Variants in EP400 observed in about 807,000 individuals in gnomAD.
The protein encoded by EP400 is E1A binding protein p400, also known as E1A-binding protein p400.
EP400 carries 105 observed loss-of-function variants against 354.1 expected under a neutral mutation model. The observed-to-expected ratio is 0.30, with a 90% CI of 0.25 to 0.35. The LOEUF (loss-of-function observed/expected upper bound fraction) is 0.35, where lower values mean the gene tolerates loss of function less well. Ranked by LOEUF, EP400 falls within the 10% of genes least tolerant of loss-of-function variation. The probability of loss-of-function intolerance (pLI) is 1.00; values close to 1 mark genes in which losing one functional copy is unlikely to be tolerated. For synonymous variants in EP400, 1,646 were observed against 1,716.9 expected, an observed-to-expected ratio of 0.96 and a Z score of 1.02; for missense variants, 3,280 against 4,121.0, an observed-to-expected ratio of 0.80 and a Z score of 5.59.
chr12:131,990,374 G>A lies in EP400; in HGVS notation c.2551-262G>A, dbSNP rs986030130. Among the ~76,000 whole-genome samples, 1 of 152,218 alleles carries A rather than the reference G, an allele frequency of 6.6e-6. No homozygotes were observed. The highest frequency in any genetic ancestry group is 2.4e-5 in the African/African-American group (1 of 41,446). On this transcript the variant is annotated intron_variant, in intron 8 of 52. Coordinates refer to ENST00000389561, the MANE Select transcript of EP400 (RefSeq NM_015409.5). This position sits in a 1 kb window ranked among gnomAD's most constrained non-coding sequence, Gnocchi z 4.2. Reference sequence around the variant, plus strand: ...GGCTCTGGGCATTGTTTCAGGGTTAGCGTGAGTCACCACCACGGTTACTTC... The same window carrying A: ...GGCTCTGGGCATTGTTTCAGGGTTAACGTGAGTCACCACCACGGTTACTTC...
intron 30 of EP400, among the ~76,000 whole-genome samples, chr12:132,032,786 A>G (rs1010639585): frequency 3.3e-5 from 5 of 152,016 alleles, no homozygotes; most frequent in Admixed American, 2.0e-4. Context: ...GTGCACCACC[A>G]CGACCGGCTA....
intron 5 of EP400, 42 bp downstream of exon 5, chr12:131,982,520 G>C (rs2136492499): frequency 6.5e-7 from 1 of 1,550,210 alleles, no homozygotes. Flanking sequence ...TGGTTTGCAG[G>C]ATTTGCTGGC....
In EP400 at chr12:132,028,152, T is replaced by G; in HGVS notation, c.5245T>G (p.Trp1749Gly). 6.2e-7 allele frequency: 1 copy of G among 1,614,178 alleles called. No homozygotes were observed. The highest frequency in any genetic ancestry group is 8.5e-7 in the Non-Finnish European group (1 of 1,180,030). ...CALPSHGRVQ[W>G]RGSLDGRRGK... ...CCTGCCTAGCCATGGAAGGGTACAG[T>G]GGCGTGGGTCCCTGGATGGCCGTCG... Residue 1749 changes from tryptophan to glycine, a missense_variant, in exon 27 of 53, where the codon TGG (tryptophan) becomes GGG (glycine). This residue lies in a region of EP400 where 459 missense variants were observed against 496.9 expected (regional missense o/e 0.92). Coordinates refer to ENST00000389561, the MANE Select transcript of EP400 (RefSeq NM_015409.5).
rs910196031 is a variant in EP400, at chr12:132,029,320, G to A, written c.5382-381G>A. ...CCTGAGTCTGGCCCCCGTCCTGGTG[G>A]CACAGTGGCTATAGCAGTTCTAGGG... On this transcript the variant is annotated intron_variant, in intron 27 of 52. Coordinates refer to ENST00000389561, the MANE Select transcript of EP400 (RefSeq NM_015409.5). This position sits in a 1 kb window ranked among gnomAD's most constrained non-coding sequence, Gnocchi z 4.7. 5 of 226,538 alleles carry A rather than the reference G, an allele frequency of 2.2e-5. No homozygotes were observed. Among genetic ancestry groups the A allele is most frequent in the Non-Finnish European group, 4.3e-5 (5 of 115,478 alleles). 14.0% of individuals were successfully genotyped at this position (226,538 alleles called of 1,614,324 possible).
chr12:132,064,315 G>A (rs910387202), intron 47 of EP400, among the ~76,000 whole-genome samples: 2 of 152,236 alleles, frequency 1.3e-5, no homozygotes, highest in African/African-American at 4.8e-5. Context: ...GATCAACTCA[G>A]TATAGGTTTT....
At chr12:131,970,719 TC>T (rs1333403161) in intron 2 of EP400, among the ~76,000 whole-genome samples, 2 of 152,226 alleles carry the variant, frequency 1.3e-5, no homozygotes, top group Non-Finnish European at 2.9e-5. Context: ...AACTTTTTTT[TC>T]TTTTGGTTTT....
chr12:132,076,831 C>T (rs1031349984), intron 52 of EP400, among the ~76,000 whole-genome samples: 1 of 152,264 alleles, frequency 6.6e-6, no homozygotes, highest in Non-Finnish European at 1.5e-5. Context: ...CCTTCATTCA[C>T]TGATCATCGC....
At chr12:132,071,751 A>G (rs1896074506) in intron 51 of EP400, among the ~76,000 whole-genome samples, 1 of 152,110 alleles carries the variant, frequency 6.6e-6, no homozygotes, top group South Asian at 2.1e-4. Context: ...ACCCCTCTGC[A>G]CTTGCTCCTC....
At position 132,030,135 on chromosome 12, in the gene EP400, A is replaced by G; in HGVS notation, c.5731A>G (p.Asn1911Asp). ...HYLTYVRIDE[N>D]ASSEQRQELM... Reference sequence around the variant, plus strand: ...CCTCACCTATGTAAGAATCGATGAAAATGCCAGCAGTGAGCAACGGCAGGT... The same window carrying G: ...CCTCACCTATGTAAGAATCGATGAAGATGCCAGCAGTGAGCAACGGCAGGT... Residue 1911 changes from asparagine to aspartate, a missense_variant, in exon 29 of 53, where the codon AAT becomes GAT. By Grantham distance (23) the Asn-to-Asp change is conservative. This residue lies in a region of EP400 where 459 missense variants were observed against 496.9 expected (regional missense o/e 0.92). Coordinates refer to ENST00000389561, the MANE Select transcript of EP400 (RefSeq NM_015409.5). 6.2e-7 allele frequency: 1 copy of G among 1,614,216 alleles called. No individual in the cohort carries two copies. Among genetic ancestry groups the G allele is most frequent in the Non-Finnish European group, 8.5e-7 (1 of 1,180,038 alleles).
intron 47 of EP400, among the ~76,000 whole-genome samples, chr12:132,064,439 ATCAG>A (rs1895819240): frequency 6.6e-6 from 1 of 152,224 alleles, no homozygotes; most frequent in Non-Finnish European, 1.5e-5. Flanking sequence ...CTATGAACTT[ATCAG>A]TCAGAATCCG....
chr12:131,965,412 C>T (rs758247955), intron 2 of EP400, among the ~76,000 whole-genome samples: 18 of 152,198 alleles, frequency 1.2e-4, no homozygotes, highest in Non-Finnish European at 2.2e-4. Context: ...GGTTTTCTAA[C>T]TCCATCATTC....
rs752469686 is a variant in EP400, at chr12:132,037,728, A to G, written c.5998A>G (p.Thr2000Ala). 2 of 1,614,198 alleles carry G rather than the reference A, an allele frequency of 1.2e-6. No individual in the cohort carries two copies. The highest frequency in any genetic ancestry group is 1.1e-5 in the South Asian group (1 of 91,086). The change falls in exon 31 of 53, where the codon ACT becomes GCT. Residue 2000 changes from threonine to alanine, a missense_variant. Transcript: ENST00000389561. ...SIEEKLLKNG[T>A]KDLIREVAAQ... ...TGAAGAGAAATTGTTGAAAAATGGAACTAAAGATCTGATCCGAGAAGTGGC... is the reference window on the plus strand; with the variant it reads ...TGAAGAGAAATTGTTGAAAAATGGAGCTAAAGATCTGATCCGAGAAGTGGC...
Position 132,043,877 on chromosome 12 carries a change from G to T in EP400, c.6450+149G>T, listed in dbSNP as rs1002603165. On this transcript the variant is annotated intron_variant, in intron 34 of 52. Coordinates refer to ENST00000389561, the MANE Select transcript of EP400 (RefSeq NM_015409.5). Reference sequence around the variant, plus strand: ...ATGAACTTAAAATGAAGAGAGTCTCGAGAAGCCCGTAGGGACCGTGGAGCT... The same window carrying T: ...ATGAACTTAAAATGAAGAGAGTCTCTAGAAGCCCGTAGGGACCGTGGAGCT... The T allele has an allele frequency of 3.6e-6, 3 of 841,428 alleles. No individual in the cohort carries two copies. The South Asian group carries it at 5.5e-5, about 15-fold the overall frequency. 52.1% of individuals were successfully genotyped at this position (841,428 alleles called of 1,614,324 possible). A position where few individuals can be genotyped will look rare whatever the true frequency, so the allele number is the denominator to read the frequency against.
rs1019724761 is a variant in EP400, at chr12:131,984,873, T to A, written c.1930-1641T>A. Among the ~76,000 whole-genome samples, 10 of 152,058 alleles carry A rather than the reference T, an allele frequency of 6.6e-5. 1 individual carries two copies. In the South Asian group the frequency reaches 2.1e-3, roughly 32 times the overall value. ...GCCACCACGCCCTACTAGGTTTTTT[T>A]TTTTTCCAGCAGAGAAATGATTTAT... is the stretch of plus-strand genomic sequence containing the variant. On this transcript the variant is annotated intron_variant, in intron 5 of 52. Coordinates refer to ENST00000389561, the MANE Select transcript of EP400 (RefSeq NM_015409.5).
Position 132,054,924 on chromosome 12 carries a change from C to A in EP400, c.7729-50C>A. ...AGTGGAAGCCTTTGGAGGATTTATG[C>A]AGGGGAGAGCCTGACGTGAAATTCA... On this transcript the variant is annotated intron_variant, in intron 43 of 52. Coordinates refer to ENST00000389561, the MANE Select transcript of EP400 (RefSeq NM_015409.5). This position sits in a 1 kb window ranked among gnomAD's most constrained non-coding sequence, Gnocchi z 4.0. 1 of 1,573,980 alleles carries A rather than the reference C, an allele frequency of 6.4e-7. No homozygotes were observed. The highest frequency in any genetic ancestry group is 8.7e-7 in the Non-Finnish European group (1 of 1,146,310).
chr12:131,975,161 G>T (rs1206581395), intron 2 of EP400, among the ~76,000 whole-genome samples: 1 of 152,276 alleles, frequency 6.6e-6, no homozygotes, highest in South Asian at 2.1e-4. Flanking sequence ...TGTGTCCTGA[G>T]TCCTCTGGGA....
chr12:132,047,898 C>T lies in EP400; in HGVS notation c.7200+1998C>T, dbSNP rs576244068. 2.9e-3 allele frequency among the ~76,000 whole-genome samples: 448 copies of T among 152,272 alleles called. 4 individuals carry two copies. Among genetic ancestry groups the T allele is most frequent in the African/African-American group, 0.01 (434 of 41,556 alleles). On this transcript the variant is annotated intron_variant, in intron 39 of 52. Coordinates refer to ENST00000389561, the MANE Select transcript of EP400 (RefSeq NM_015409.5). Reference sequence around the variant, plus strand: ...AGCGGCCATTTCAGAGGCCTACCCTCAGAGACGCATTCTCTTTCTCAGGAT... The same window carrying T: ...AGCGGCCATTTCAGAGGCCTACCCTTAGAGACGCATTCTCTTTCTCAGGAT...
intron 45 of EP400, among the ~76,000 whole-genome samples, chr12:132,057,502 G>C (rs1024602971): frequency 6.6e-6 from 1 of 152,210 alleles, no homozygotes; most frequent in Non-Finnish European, 1.5e-5. Flanking sequence ...AGAGGAATTC[G>C]AGAACGTTGG....
intron 1 of EP400, among the ~76,000 whole-genome samples, chr12:131,951,602 C>A (rs1482787167): frequency 6.6e-6 from 1 of 152,006 alleles, no homozygotes; most frequent in Non-Finnish European, 1.5e-5. Context: ...TGTAATTATT[C>A]TTTTTATTGT....
Sources: allele counts gnomAD v4.1 joint callset (sites outside exome capture counted in the v4.1 genomes callset), GRCh38; gene constraint gnomAD v4.1.1; regional missense constraint gnomAD v4.1.1; non-coding constraint Gnocchi (gnomAD v3.1); transcripts MANE v1.5; gene names NCBI Gene and HGNC (gene_info 2026-07-23, HGNC 2026-07-21).